The following ELAVL2 variants were observed in gnomAD, a reference collection of about 807,000 sequenced individuals.
ELAVL2 encodes the protein ELAV-like protein 2.
ELAVL2 carries 4 observed loss-of-function variants against 34.6 expected under a neutral mutation model. That is an observed-to-expected ratio of 0.12 (90% CI 0.06 to 0.26). The LOEUF is 0.26. ELAVL2 is among the 10% of genes least tolerant of loss of function. ELAVL2 has a pLI of 1.00. For synonymous variants in ELAVL2, 193 were observed against 154.8 expected, an observed-to-expected ratio of 1.25 and a Z score of -1.83; for missense variants, 432 against 442.8, an observed-to-expected ratio of 0.98 and a Z score of 0.22.
chr9:23,705,849 T>G (rs1266986135), intron 3 of ELAVL2, among the ~76,000 whole-genome samples: 1 of 152,168 alleles, frequency 6.6e-6, no homozygotes, highest in African/African-American at 2.4e-5. Flanking sequence ...GGCCAGGGGT[T>G]GGGAACACCT....
intron 3 of ELAVL2, among the ~76,000 whole-genome samples, chr9:23,722,036 C>T (rs564088926): frequency 6.6e-6 from 1 of 152,052 alleles, no homozygotes; most frequent in Non-Finnish European, 1.5e-5. Context: ...GTCTCATTGC[C>T]CAAAAGCAGC....
chr9:23,839,628 A>G, the ELAVL2 span, among the ~76,000 whole-genome samples: 3 of 152,118 alleles, frequency 2.0e-5, no homozygotes, highest in African/African-American at 7.2e-5. Context: ...ATTTTACACA[A>G]TTATTAATTT....
chr9:23,720,372 G>A (rs946805193), intron 3 of ELAVL2, among the ~76,000 whole-genome samples: 8 of 151,728 alleles, frequency 5.3e-5, no homozygotes, highest in East Asian at 3.9e-4. Flanking sequence ...ATGGGGTTTC[G>A]TCATGTTGGC....
chr9:23,849,785 GTTGT>G, the ELAVL2 span: 1 of 152,102 alleles, frequency 6.6e-6, no homozygotes, highest in South Asian at 2.1e-4. Flanking sequence ...TCTTTTTGTT[GTTGT>G]TTAACGACCC....
At chr9:23,710,801 A>G (rs1199309890) in intron 3 of ELAVL2, among the ~76,000 whole-genome samples, 1 of 152,176 alleles carries the variant, frequency 6.6e-6, no homozygotes, top group Admixed American at 6.6e-5. Context: ...AGTTAGCTCT[A>G]GGCTCTAAGT....
intron 2 of ELAVL2, among the ~76,000 whole-genome samples, chr9:23,752,334 G>A (rs981986682): frequency 4.6e-5 from 7 of 152,088 alleles, no homozygotes; most frequent in African/African-American, 1.7e-4. Flanking sequence ...GTGTCCAGTA[G>A]GCCACCTCCC....
intron 3 of ELAVL2, among the ~76,000 whole-genome samples, chr9:23,713,594 G>C (rs1440101593): frequency 1.3e-5 from 2 of 152,158 alleles, no homozygotes; most frequent in Non-Finnish European, 2.9e-5. Context: ...ATTGTCAGTA[G>C]TGGTTAAGAA....
rs2037924102 is a variant in ELAVL2, at chr9:23,702,971, A to AAAAAAAAAC, written c.488-1368_488-1367insGTTTTTTTT. ...ATTAGCAAAAAAAAAAAAAAAAAAA[A>AAAAAAAAAC]AAAAAAAAAACAGCCTCTACACAGC... On this transcript the variant is annotated intron_variant, in intron 4 of 6. Coordinates refer to ENST00000397312, the MANE Select transcript of ELAVL2 (RefSeq NM_004432.5). Among the ~76,000 whole-genome samples, 5 of 146,602 alleles carry AAAAAAAAAC rather than the reference A, an allele frequency of 3.4e-5. 1 individual carries two copies. Among genetic ancestry groups the AAAAAAAAAC allele is most frequent in the Non-Finnish European group, 7.5e-5 (5 of 66,618 alleles).
At chr9:23,745,357 T>C (rs1380386423) in intron 2 of ELAVL2, among the ~76,000 whole-genome samples, 4 of 152,220 alleles carry the variant, frequency 2.6e-5, no homozygotes, top group Non-Finnish European at 5.9e-5. Context: ...CCTGGTATTA[T>C]CTTGGCCAGG....
At chr9:23,793,575 T>G (rs1205336597) in intron 1 of ELAVL2, among the ~76,000 whole-genome samples, 1 of 152,042 alleles carries the variant, frequency 6.6e-6, no homozygotes, top group Admixed American at 6.6e-5. Context: ...AACGATCCCC[T>G]CCCCTATCAT....
At chr9:23,776,208 C>A (rs552973563) in intron 1 of ELAVL2, among the ~76,000 whole-genome samples, 1 of 152,286 alleles carries the variant, frequency 6.6e-6, no homozygotes, top group South Asian at 2.1e-4. Flanking sequence ...CAAGTCCTAC[C>A]ACTAACACAC....
chr9:23,772,442 G>C (rs1457522237), intron 1 of ELAVL2, among the ~76,000 whole-genome samples: 1 of 150,358 alleles, frequency 6.7e-6, no homozygotes, highest in Non-Finnish European at 1.5e-5. Context: ...CTCCTGGCCA[G>C]TGAGGTTAAC....
intron 2 of ELAVL2, among the ~76,000 whole-genome samples, chr9:23,753,589 C>CA (rs943878300): frequency 7.3e-5 from 11 of 151,686 alleles, no homozygotes; most frequent in East Asian, 1.9e-4. Context: ...CTATAAACTA[C>CA]AAAAAAAAGA....
chr9:23,805,176 A>G (rs2062052539), intron 1 of ELAVL2, among the ~76,000 whole-genome samples: 1 of 152,166 alleles, frequency 6.6e-6, no homozygotes, highest in African/African-American at 2.4e-5. Flanking sequence ...AAACAAAAGA[A>G]AGACGTTAAT....
Position 23,778,952 on chromosome 9 carries a change from G to T in ELAVL2, c.-15-16703C>A, listed in dbSNP as rs1016794585. Among the ~76,000 whole-genome samples, 3 of 152,086 alleles carry T rather than the reference G, an allele frequency of 2.0e-5. No homozygotes were observed. In the South Asian group the frequency reaches 6.2e-4, roughly 32 times the overall value. ...GAATTAGGTATATCCTGTCCCTTCT[G>T]GGGGCTGAGTTTGAGACAGTTAATT... On this transcript the variant is annotated intron_variant, in intron 1 of 6. Coordinates refer to ENST00000397312, the MANE Select transcript of ELAVL2 (RefSeq NM_004432.5).
chr9:23,730,717 G>A (rs2046318601), intron 3 of ELAVL2, among the ~76,000 whole-genome samples: 1 of 152,162 alleles, frequency 6.6e-6, no homozygotes, highest in African/African-American at 2.4e-5. Flanking sequence ...ACAAGTCTAA[G>A]GTTTCCTCAA....
At chr9:23,764,909 G>C in intron 1 of ELAVL2, 1 of 1,171,704 alleles carries the variant, frequency 8.5e-7, no homozygotes, top group South Asian at 1.3e-5. Context: ...AGAATAATTA[G>C]TATGCCAAAT....
chr9:23,770,232 G>A (rs370155207), intron 1 of ELAVL2, among the ~76,000 whole-genome samples: 1 of 152,112 alleles, frequency 6.6e-6, no homozygotes, highest in East Asian at 1.9e-4. Context: ...ATATAGAGAA[G>A]AATAAGGGGG....
Position 23,701,409 on chromosome 9 carries a change from C to T in ELAVL2, c.683G>A (p.Gly228Glu), listed in dbSNP as rs1247072947. The change falls in exon 5 of 7, where the codon GGA becomes GAA. Residue 228 changes from glycine to glutamate, a missense_variant. Physicochemically the swap from Gly to Glu is moderately conservative, Grantham distance 98. Coordinates refer to ENST00000397312, the MANE Select transcript of ELAVL2 (RefSeq NM_004432.5). ...LYQSPNRRYP[G>E]PLAQQAQRFR... ...ACGCTGTGCCTGCTGAGCTAGCGGT[C>T]CTGGATACCTTCTGTTTGGAGACTG... The T allele has an allele frequency of 2.5e-6, 4 of 1,614,046 alleles. No homozygotes were observed. Among genetic ancestry groups the T allele is most frequent in the Non-Finnish European group, 3.4e-6 (4 of 1,179,984 alleles).
Sources: allele counts gnomAD v4.1 joint callset (sites outside exome capture counted in the v4.1 genomes callset), GRCh38; gene constraint gnomAD v4.1.1; transcripts MANE v1.5; gene names NCBI Gene and HGNC (gene_info 2026-07-23, HGNC 2026-07-21).